The following SMARCB1 variants were observed in gnomAD, a reference collection of about 807,000 sequenced individuals.
SMARCB1 encodes SWI/SNF-related matrix-associated actin-dependent regulator of chromatin subfamily B member 1.
In SMARCB1, 5 loss-of-function variants were observed where a neutral mutation model predicts 49.0. That is an observed-to-expected ratio of 0.10 (90% CI 0.05 to 0.21). The LOEUF (loss-of-function observed/expected upper bound fraction) is 0.21. Ranked by LOEUF, SMARCB1 falls within the 10% of genes least tolerant of loss-of-function variation. The pLI, the probability that SMARCB1 is intolerant of heterozygous loss-of-function variation, is 1.00. For synonymous variants in SMARCB1, 201 were observed against 200.1 expected, an observed-to-expected ratio of 1.00 and a Z score of -0.04; for missense variants, 226 against 509.2, an observed-to-expected ratio of 0.44 and a Z score of 5.35.
chr22:23,811,962 A>C (rs1929892864), intron 5 of SMARCB1, among the ~76,000 whole-genome samples: 1 of 152,228 alleles, frequency 6.6e-6, no homozygotes, highest in Non-Finnish European at 1.5e-5. Context: ...GTAAATTATC[A>C]ATATCAGGAA....
intron 4 of SMARCB1, chr22:23,801,318 C>G: frequency 4.2e-6 from 3 of 714,040 alleles, no homozygotes; most frequent in Non-Finnish European, 7.6e-6. Flanking sequence ...TCTGGCCCCT[C>G]AAGTGGAGTT....
rs1029942798 is a variant in SMARCB1 at position 23,800,955 on chromosome 22, C to G, written c.374C>G (p.Ala125Gly). ...EPPTYLREQKAKRNSQWVPTL... is the reference protein window; with the variant it reads ...EPPTYLREQKGKRNSQWVPTL... ...TTGTATCTCCTCAGGGAACAGAAGG[C>G]CAAGAGGAACAGCCAGTGGGTACCC... The change falls in exon 4 of 9, where the codon GCC (alanine) becomes GGC (glycine). Residue 125 changes from alanine to glycine, a missense_variant. Ala to Gly is a moderately conservative substitution (Grantham distance 60, BLOSUM62 0). Transcript: ENST00000644036. 6 of 1,613,554 alleles carry G rather than the reference C, an allele frequency of 3.7e-6. No homozygotes were observed. The highest frequency in any genetic ancestry group is 5.1e-6 in the Non-Finnish European group (6 of 1,179,604).
At chr22:23,799,488 G>A (rs538588313) in intron 3 of SMARCB1, among the ~76,000 whole-genome samples, 2 of 148,192 alleles carry the variant, frequency 1.3e-5, no homozygotes, top group Non-Finnish European at 3.0e-5. Flanking sequence ...ATGTTGGCCA[G>A]GCTGGTTTCG....
chr22:23,791,162 G>T (rs1928353062), intron 1 of SMARCB1, among the ~76,000 whole-genome samples: 2 of 152,170 alleles, frequency 1.3e-5, no homozygotes, highest in African/African-American at 4.8e-5. Context: ...CCTTAAGGAA[G>T]TCACACTTTC....
chr22:23,833,456 T>C (rs1200730364), intron 7 of SMARCB1, 116 bp from the exon 8 acceptor site: 27 of 1,432,616 alleles, frequency 1.9e-5, no homozygotes, highest in Non-Finnish European at 2.6e-5. Flanking sequence ...GAGCATCCAC[T>C]GGGTGCCAGC....
intron 1 of SMARCB1, among the ~76,000 whole-genome samples, chr22:23,789,419 C>T (rs1470173621): frequency 2.6e-5 from 4 of 152,208 alleles, no homozygotes; most frequent in African/African-American, 9.6e-5. Context: ...GTAGGTGACA[C>T]TTCAAAAGAA....
intron 6 of SMARCB1, chr22:23,823,278 C>T (rs921770554): frequency 6.6e-6 from 1 of 152,246 alleles, no homozygotes; most frequent in Non-Finnish European, 1.5e-5. Context: ...AGCCATGTGC[C>T]TATGGTCCTA....
Position 23,787,107 on chromosome 22 carries a change from G to GCCCCGC in SMARCB1, c.-59_-54dup, listed in dbSNP as rs1359712314. 1 of 1,066,556 alleles carries GCCCCGC rather than the reference G, an allele frequency of 9.4e-7. No homozygotes were observed. The highest frequency in any genetic ancestry group is 1.4e-6 in the Non-Finnish European group (1 of 691,922). The allele number at this position is 1,066,556 out of a possible 1,614,324, so 66.1% of individuals were successfully genotyped here. On this transcript the variant is annotated 5_prime_UTR_variant, in exon 1 of 9. Transcript: ENST00000644036. ...GTTTCCCTCGGCCCAGCACGCCCCGGCCCCGCCCCAGCCCTCCTGATCCCT... is the reference window on the plus strand; with the variant it reads ...GTTTCCCTCGGCCCAGCACGCCCCGGCCCCGCCCCCGCCCCAGCCCTCCTGATCCCT...
chr22:23,837,272 T>C lies in SMARCB1; in HGVS notation c.*3092T>C. ...GGCCCTGCAGGCCCCACAGCATGAG[T>C]GCCCCAAAGCCTTGCACAGAGTGCC... On this transcript the variant is annotated 3_prime_UTR_variant, in exon 9 of 9. Coordinates refer to ENST00000644036, the MANE Select transcript of SMARCB1 (RefSeq NM_003073.5). 7.6e-7 allele frequency: 1 copy of C among 1,316,542 alleles called. No individual in the cohort carries two copies. Among genetic ancestry groups the C allele is most frequent in the Non-Finnish European group, 1.1e-6 (1 of 947,176 alleles). 81.6% of individuals were successfully genotyped at this position (1,316,542 alleles called of 1,614,324 possible). A position where few individuals can be genotyped will look rare whatever the true frequency, so the allele number is the denominator to read the frequency against.
chr22:23,812,343 C>T (rs1233657862), intron 5 of SMARCB1, among the ~76,000 whole-genome samples: 3 of 151,920 alleles, frequency 2.0e-5, no homozygotes, highest in Non-Finnish European at 4.4e-5. Context: ...AATTCTCCCC[C>T]CCAAAAAAAT....
In SMARCB1 at chr22:23,837,015, G is replaced by A; in HGVS notation, c.*2835G>A. 1 of 1,612,476 alleles carries A rather than the reference G, an allele frequency of 6.2e-7. No individual in the cohort carries two copies. The highest frequency in any genetic ancestry group is 8.5e-7 in the Non-Finnish European group (1 of 1,179,208). ...AGGCCAGCACAGGTCCCCATCGGTG[G>A]GGATCCTTCTGAGGGTGGGGAGAGG... On this transcript the variant is annotated 3_prime_UTR_variant, in exon 9 of 9. Transcript: ENST00000644036.
At position 23,787,086 on chromosome 22, in the gene SMARCB1, C is replaced by T; in HGVS notation, c.-84C>T. On this transcript the variant is annotated 5_prime_UTR_variant, in exon 1 of 9. Transcript: ENST00000644036. The stretch of plus-strand genomic sequence containing the variant: ...GCATTTCGCCTTCCGGCTTCGGTTT[C>T]CCTCGGCCCAGCACGCCCCGGCCCC... The T allele has an allele frequency of 9.0e-6, 8 of 889,726 alleles. No homozygotes were observed. Among genetic ancestry groups the T allele is most frequent in the South Asian group, 8.3e-5 (6 of 72,512 alleles). The allele number at this position is 889,726 out of a possible 1,614,324, so 55.1% of individuals were successfully genotyped here.
At chr22:23,805,796 C>T (rs35413018) in intron 5 of SMARCB1, among the ~76,000 whole-genome samples, 19,176 of 152,226 alleles carry the variant, frequency 0.13, 1,301 homozygotes, top group South Asian at 0.28. Context: ...TGAGCCACCG[C>T]GCCCGGCTGC....
chr22:23,791,315 C>T (rs747410969), intron 1 of SMARCB1, among the ~76,000 whole-genome samples: 2 of 152,154 alleles, frequency 1.3e-5, no homozygotes, highest in South Asian at 2.1e-4. Context: ...GCAACACAGG[C>T]CATGGGGGAA....
Position 23,837,933 on chromosome 22 carries a change from T to C in SMARCB1, c.*3753T>C. 3 of 1,418,116 alleles carry C rather than the reference T, an allele frequency of 2.1e-6. No homozygotes were observed. Among genetic ancestry groups the C allele is most frequent in the Middle Eastern group, 2.4e-4 (1 of 4,246 alleles). 87.8% of individuals were successfully genotyped at this position (1,418,116 alleles called of 1,614,324 possible). On this transcript the variant is annotated 3_prime_UTR_variant, in exon 9 of 9. Transcript: ENST00000644036. ...CTCTGACTTCCCAAGACCCTGGAAT[T>C]CTTCCCCTCATCTCCCCTATGTGCT...
chr22:23,822,957 CTTTTTTTTTTTTTTTTTTTTTTTTTTTT>C (rs58056758), intron 6 of SMARCB1, among the ~76,000 whole-genome samples: 1 of 72,690 alleles, frequency 1.4e-5, no homozygotes, highest in African/African-American at 5.1e-5. Context: ...ACCAGCATAG[CTTTTTTTTTTTTTTTTTTTTTTTTTTTT>C]TTTTTTTTTT....
chr22:23,834,453 G>C lies in SMARCB1; in HGVS notation c.*273G>C, dbSNP rs753863375. 1 of 689,462 alleles carries C rather than the reference G, an allele frequency of 1.5e-6. No homozygotes were observed. The highest frequency in any genetic ancestry group is 2.0e-5 in the African/African-American group (1 of 50,912). 42.7% of individuals were successfully genotyped at this position (689,462 alleles called of 1,614,324 possible). ...GGTTGTGTTTTGTTTTTGTATAGGA[G>C]CCCCAGGCAGGGCTAGTAACAGTTT... On this transcript the variant is annotated 3_prime_UTR_variant, in exon 9 of 9. Coordinates refer to ENST00000644036, the MANE Select transcript of SMARCB1 (RefSeq NM_003073.5).
At chr22:23,791,215 G>A (rs6003884) in intron 1 of SMARCB1, among the ~76,000 whole-genome samples, 4 of 152,328 alleles carry the variant, frequency 2.6e-5, no homozygotes, top group African/African-American at 9.6e-5. Flanking sequence ...TTGAGTCAGT[G>A]ATGATTTATA....
In SMARCB1 at chr22:23,836,300, C is replaced by A. The variant is rs1365246520; in HGVS notation, c.*2120C>A. ...GATGAAAAATGAGGCATACGCCCAC[C>A]TGTCAGGGTGGCTGATGAGAGACAG... On this transcript the variant is annotated 3_prime_UTR_variant, in exon 9 of 9. Transcript: ENST00000644036. 23 of 985,376 alleles carry A rather than the reference C, an allele frequency of 2.3e-5. No individual in the cohort carries two copies. The highest frequency in any genetic ancestry group is 1.2e-4 in the Admixed American group (2 of 16,268). 61.0% of individuals were successfully genotyped at this position (985,376 alleles called of 1,614,324 possible). A position where few individuals can be genotyped will look rare whatever the true frequency, so the allele number is the denominator to read the frequency against.
Sources: gnomAD v4.1 joint callset for allele counts (sites outside exome capture counted in the v4.1 genomes callset) on GRCh38, gnomAD v4.1.1 for gene constraint, MANE v1.5 for transcripts, NCBI Gene and HGNC (gene_info 2026-07-23, HGNC 2026-07-21) for gene names.